DNMT3A: variants seen among roughly 807,000 people sequenced by gnomAD.
DNMT3A encodes the protein DNA (cytosine-5)-methyltransferase 3A.
DNMT3A carries 267 observed loss-of-function variants against 117.6 expected under a neutral mutation model. The ratio of observed to expected loss-of-function variants is 2.27; its 90% CI spans 2.05 to 2.51. DNMT3A has a LOEUF of 2.51. Ranked by LOEUF, DNMT3A falls within the 30% of genes most tolerant of loss-of-function variation. The pLI is 0.00. For missense variants in DNMT3A, 1,029 were observed against 1,260.2 expected (o/e 0.82, Z 2.78); for synonymous variants, 432 against 474.8 (o/e 0.91, Z 1.17).
In DNMT3A at chr2:25,234,256, A is replaced by G; in HGVS notation, c.*23T>C. 6.3e-7 allele frequency: 1 copy of G among 1,594,026 alleles called. No individual in the cohort carries two copies. The highest frequency in any genetic ancestry group is 8.6e-7 in the Non-Finnish European group (1 of 1,167,644). On this transcript the variant is annotated 3_prime_UTR_variant, in exon 23 of 23. Coordinates refer to ENST00000321117, the MANE Select transcript of DNMT3A (RefSeq NM_022552.5). The surrounding 1 kb of genome is among the most constrained non-coding windows in gnomAD (Gnocchi z 4.5). ...TTTGTTTGTTTAACTTTGTGTCGCT[A>G]CCTCAGTTTGCCCCCATGTCCCTTA...
intron 3 of DNMT3A, among the ~76,000 whole-genome samples, chr2:25,287,313 C>T (rs1290994398): frequency 1.3e-5 from 2 of 151,976 alleles, no homozygotes; most frequent in Non-Finnish European, 2.9e-5. Flanking sequence ...CTTCTCCTCC[C>T]GTGGGGGGCC....
In DNMT3A at chr2:25,314,331, C is replaced by A. The variant is rs920622103; in HGVS notation, c.-177-170G>T. The A allele has an allele frequency of 9.1e-6, 9 of 985,238 alleles. No individual in the cohort carries two copies. The African/African-American group carries it at 1.6e-4, about 17-fold the overall frequency. 61.0% of individuals were successfully genotyped at this position (985,238 alleles called of 1,614,324 possible). ...CCGAGGCAGGCTCCCTTCAGGGCCA[C>A]CTCCTACCCCAGCAGCCTCTGAGAG... On this transcript the variant is annotated intron_variant, in intron 1 of 22. Coordinates refer to ENST00000321117, the MANE Select transcript of DNMT3A (RefSeq NM_022552.5).
In DNMT3A at chr2:25,321,227, G is replaced by C. The variant is rs142532342; in HGVS notation, c.-177-7066C>G. 2.5e-3 allele frequency among the ~76,000 whole-genome samples: 374 copies of C among 152,084 alleles called. 2 individuals are homozygous for C. Among genetic ancestry groups the C allele is most frequent in the African/African-American group, 8.5e-3 (352 of 41,490 alleles). On this transcript the variant is annotated intron_variant, in intron 1 of 22. Transcript: ENST00000321117. ...CTAAACTCAAGATGTTGGCAGGGCTGCATTCTTTTCTGGAAACTCTAAGGA... is the reference window on the plus strand; with the variant it reads ...CTAAACTCAAGATGTTGGCAGGGCTCCATTCTTTTCTGGAAACTCTAAGGA...
chr2:25,247,850 A>C lies in DNMT3A; in HGVS notation c.856-101T>G. On this transcript the variant is annotated intron_variant, in intron 7 of 22. Transcript: ENST00000321117. The surrounding 1 kb of genome is among the most constrained non-coding windows in gnomAD (Gnocchi z 5.6). Reference sequence around the variant, plus strand: ...CAGCCCTGGGCATCTGGGGGGCAGGACAGCCAGGAGGGAGCTCCATCTGAA... The same window carrying C: ...CAGCCCTGGGCATCTGGGGGGCAGGCCAGCCAGGAGGGAGCTCCATCTGAA... 1 of 1,550,766 alleles carries C rather than the reference A, an allele frequency of 6.4e-7. No individual in the cohort carries two copies. Among genetic ancestry groups the C allele is most frequent in the Non-Finnish European group, 8.7e-7 (1 of 1,152,550 alleles).
chr2:25,341,685 G>C (rs1300842971), intron 1 of DNMT3A, 141 bp downstream of exon 1: 2 of 541,478 alleles, frequency 3.7e-6, no homozygotes, highest in Non-Finnish European at 4.6e-6. Flanking sequence ...CCGGCCCCAC[G>C]GGCGCCCGGC....
In DNMT3A at chr2:25,294,031, T is replaced by C. The variant is rs970244008; in HGVS notation, c.177+6108A>G. 6.6e-6 allele frequency among the ~76,000 whole-genome samples: 1 copy of C among 152,172 alleles called. No homozygotes were observed. The highest frequency in any genetic ancestry group is 2.4e-5 in the African/African-American group (1 of 41,446). ...AGCCAGGCCTGTGCCTGTGTGCTCA[T>C]GGCCCCTGCCTTTGGGCCTCCCCAC... On this transcript the variant is annotated intron_variant, in intron 3 of 22. Transcript: ENST00000321117. This position sits in a 1 kb window ranked among gnomAD's most constrained non-coding sequence, Gnocchi z 4.7.
chr2:25,335,357 G>A (rs1022915536), intron 1 of DNMT3A, among the ~76,000 whole-genome samples: 2 of 152,242 alleles, frequency 1.3e-5, no homozygotes, highest in African/African-American at 4.8e-5. Context: ...GAATCCCACT[G>A]GCTTGGCAGG....
intron 16 of DNMT3A, among the ~76,000 whole-genome samples, chr2:25,242,420 G>A (rs1674190989): frequency 6.6e-6 from 1 of 152,114 alleles, no homozygotes; most frequent in Admixed American, 6.5e-5. Context: ...AACAGGGTAC[G>A]GCACTGTTTC....
At position 25,286,545 on chromosome 2, in the gene DNMT3A, T is replaced by G. The variant is rs537843214; in HGVS notation, c.178-3834A>C. ...GATGATTCAGCCAAAGTTCTGGGAT[T>G]TGGGGGGGAGGGCAATGACTTCTGC... On this transcript the variant is annotated intron_variant, in intron 3 of 22. Coordinates refer to ENST00000321117, the MANE Select transcript of DNMT3A (RefSeq NM_022552.5). The surrounding 1 kb of genome is among the most constrained non-coding windows in gnomAD (Gnocchi z 4.3). Among the ~76,000 whole-genome samples, 1 of 152,140 alleles carries G rather than the reference T, an allele frequency of 6.6e-6. No homozygotes were observed. The highest frequency in any genetic ancestry group is 1.5e-5 in the Non-Finnish European group (1 of 68,012).
chr2:25,278,644 G>A lies in DNMT3A; in HGVS notation c.449-3101C>T, dbSNP rs543217645. Among the ~76,000 whole-genome samples, 41 of 152,306 alleles carry A rather than the reference G, an allele frequency of 2.7e-4. No individual in the cohort carries two copies. In the South Asian group the frequency reaches 3.5e-3, roughly 13 times the overall value. On this transcript the variant is annotated intron_variant, in intron 4 of 22. Transcript: ENST00000321117. ...AGTCCACGACCAGCCTGGCCAACAT[G>A]GCGAAACCCTGTCTCTACTAAAATT...
At chr2:25,241,440 G>T in intron 17 of DNMT3A, 122 bp downstream of exon 17, 1 of 1,330,628 alleles carries the variant, frequency 7.5e-7, no homozygotes, top group Non-Finnish European at 1.0e-6. Flanking sequence ...AGAAAAAGAG[G>T]CTGGGGCAAA....
At chr2:25,273,960 G>A (rs72810063) in intron 6 of DNMT3A, among the ~76,000 whole-genome samples, 16,465 of 152,194 alleles carry the variant, frequency 0.11, 1,193 homozygotes, top group Non-Finnish European at 0.16. Context: ...CTGAGACTTC[G>A]TCTCTCCTCC....
intron 17 of DNMT3A, 151 bp downstream of exon 17, chr2:25,241,411 G>A (rs192242018): frequency 2.9e-4 from 333 of 1,137,240 alleles, no homozygotes; most frequent in Non-Finnish European, 3.9e-4. Flanking sequence ...TCAAGACAGA[G>A]GACAAATGGA....
Position 25,230,788 on chromosome 2 carries a change from C to CA in DNMT3A, c.*3490dup, listed in dbSNP as rs1372678198. 1 of 3,706 alleles carries CA rather than the reference C, an allele frequency of 2.7e-4. No homozygotes were observed. The highest frequency in any genetic ancestry group is 5.6e-4 in the Non-Finnish European group (1 of 1,772). The allele number at this position is 3,706 out of a possible 1,614,324, so 0.2% of individuals were successfully genotyped here. ...TGGTGATTGTTAACTCTCGTCCCTG[C>CA]AAGGGGGGGGGGGGGGGGGCCATGA... On this transcript the variant is annotated 3_prime_UTR_variant, in exon 23 of 23. Transcript: ENST00000321117.
intron 4 of DNMT3A, among the ~76,000 whole-genome samples, chr2:25,279,534 A>G (rs1223723620): frequency 6.6e-6 from 1 of 152,170 alleles, no homozygotes; most frequent in Non-Finnish European, 1.5e-5. Context: ...AGCCTAGGCC[A>G]CTGCCCACCC....
chr2:25,244,338 C>T lies in DNMT3A; in HGVS notation c.1668G>A (p.Arg556=). Reference sequence around the variant, plus strand: ...GGTCCACACACTCCACGCAAAAGCACCTGGAAGGAGACCCAGTGAGCAGAG... The same window carrying T: ...GGTCCACACACTCCACGCAAAAGCATCTGGAAGGAGACCCAGTGAGCAGAG... The part of the protein sequence containing the change: ...VLMCGNNNCC[R]CFCVECVDLL... Residue 556 remains arginine (R), a splice_region_variant and synonymous_variant, in exon 15 of 23, where the codon AGG becomes AGA. Transcript: ENST00000321117. 6.2e-7 allele frequency: 1 copy of T among 1,602,176 alleles called. No homozygotes were observed. The highest frequency in any genetic ancestry group is 8.5e-7 in the Non-Finnish European group (1 of 1,174,564).
intron 6 of DNMT3A, among the ~76,000 whole-genome samples, chr2:25,255,449 A>C (rs943222790): frequency 4.6e-5 from 7 of 152,236 alleles, no homozygotes; most frequent in Non-Finnish European, 5.9e-5. Context: ...GATGAGAAGA[A>C]AATATGCTGG....
chr2:25,282,154 C>CT lies in DNMT3A; in HGVS notation c.448+286dup, dbSNP rs532858843. The CT allele has an allele frequency of 0.072, 62,523 of 870,842 alleles. 15 individuals are homozygous for CT. The highest frequency in any genetic ancestry group is 0.077 in the Non-Finnish European group (50,736 of 661,674). 53.9% of individuals were successfully genotyped at this position (870,842 alleles called of 1,614,324 possible). Reference sequence around the variant, plus strand: ...GAAAGCCCGCTGTTGCCAGATCTAGCTTTTTTTTTTTTCATGAGAAGCCAA... The same window carrying CT: ...GAAAGCCCGCTGTTGCCAGATCTAGCTTTTTTTTTTTTTCATGAGAAGCCAA... On this transcript the variant is annotated intron_variant, in intron 4 of 22. Transcript: ENST00000321117. The surrounding 1 kb of genome is among the most constrained non-coding windows in gnomAD (Gnocchi z 5.2).
At position 25,281,726 on chromosome 2, in the gene DNMT3A, T is replaced by A. The variant is rs1028490723; in HGVS notation, c.448+715A>T. ...CATTACTAACATGTTTACAGCTCGG[T>A]TGGCCCTGAAATTGCTGGCTTAACC... On this transcript the variant is annotated intron_variant, in intron 4 of 22. Transcript: ENST00000321117. The surrounding 1 kb of genome is among the most constrained non-coding windows in gnomAD (Gnocchi z 4.8). The A allele has an allele frequency of 9.4e-7, 1 of 1,065,990 alleles. No individual in the cohort carries two copies. The highest frequency in any genetic ancestry group is 4.9e-5 in the East Asian group (1 of 20,214). The allele number at this position is 1,065,990 out of a possible 1,614,324, so 66.0% of individuals were successfully genotyped here.
Sources: allele counts gnomAD v4.1 joint callset (sites outside exome capture counted in the v4.1 genomes callset), GRCh38; gene constraint gnomAD v4.1.1; non-coding constraint Gnocchi (gnomAD v3.1); transcripts MANE v1.5; gene names NCBI Gene and HGNC (gene_info 2026-07-23, HGNC 2026-07-21).